The following GULP1 variants were observed in gnomAD, a reference collection of about 807,000 sequenced individuals.
GULP1 encodes the protein PTB domain-containing engulfment adapter protein 1.
In GULP1, 19 loss-of-function variants were observed where a neutral mutation model predicts 40.9. The ratio of observed to expected loss-of-function variants is 0.46; its 90% CI spans 0.32 to 0.68. The LOEUF (loss-of-function observed/expected upper bound fraction) is 0.68. Ranked by LOEUF, GULP1 falls within the 30% of genes least tolerant of loss-of-function variation. The pLI is 0.03. For missense variants in GULP1, 312 were observed against 362.2 expected (o/e 0.86, Z 1.12); for synonymous variants, 119 against 117.6 (o/e 1.01, Z -0.08).
intron 2 of GULP1, among the ~76,000 whole-genome samples, chr2:188,399,707 A>AACC (rs2051889247): frequency 6.7e-6 from 1 of 149,920 alleles, no homozygotes; most frequent in Non-Finnish European, 1.5e-5. Flanking sequence ...AAAAAAAAAA[A>AACC]AAAAAAACAT....
chr2:188,331,578 G>T (rs569165767), intron 1 of GULP1, among the ~76,000 whole-genome samples: 1 of 152,036 alleles, frequency 6.6e-6, no homozygotes, highest in Non-Finnish European at 1.5e-5. Context: ...GCAAACATTT[G>T]ATTTGATTAT....
intron 1 of GULP1, among the ~76,000 whole-genome samples, chr2:188,359,730 C>G (rs1297579887): frequency 6.6e-6 from 1 of 151,858 alleles, no homozygotes; most frequent in Non-Finnish European, 1.5e-5. Context: ...GGTGATAGGC[C>G]CCAAATAACT....
At chr2:188,559,208 T>C (rs368749535) in intron 7 of GULP1, among the ~76,000 whole-genome samples, 1 of 152,094 alleles carries the variant, frequency 6.6e-6, no homozygotes, top group Admixed American at 6.5e-5. Flanking sequence ...CTGTGCTGTG[T>C]GTACCCTAGG....
At chr2:188,382,318 A>G (rs955291426) in intron 1 of GULP1, among the ~76,000 whole-genome samples, 1 of 152,168 alleles carries the variant, frequency 6.6e-6, no homozygotes, top group African/African-American at 2.4e-5. Context: ...ACAGTGAGAT[A>G]TATCTGAGGG....
chr2:188,455,443 A>G (rs1174710116), intron 2 of GULP1, among the ~76,000 whole-genome samples: 1 of 152,114 alleles, frequency 6.6e-6, no homozygotes, highest in Non-Finnish European at 1.5e-5. Context: ...ATAGTGAATG[A>G]AACTGGAGAT....
At chr2:188,477,598 G>A (rs2061116087) in intron 2 of GULP1, 61 bp from the exon 3 acceptor site, 1 of 805,728 alleles carries the variant, frequency 1.2e-6, no homozygotes, top group Non-Finnish European at 2.0e-6. Context: ...AACCACATTA[G>A]CAAAAGAGAG....
chr2:188,545,194 A>T (rs2153349163), intron 7 of GULP1, among the ~76,000 whole-genome samples: 1 of 151,986 alleles, frequency 6.6e-6, no homozygotes, highest in African/African-American at 2.4e-5. Context: ...GAAAATTAAG[A>T]TTGTTTGCCA....
chr2:188,504,747 C>T (rs1282785163), intron 4 of GULP1, among the ~76,000 whole-genome samples: 1 of 151,858 alleles, frequency 6.6e-6, no homozygotes, highest in Non-Finnish European at 1.5e-5. Flanking sequence ...AAAGTTCCAT[C>T]ATATACATGA....
chr2:188,441,900 C>A (rs1188224355), intron 2 of GULP1, among the ~76,000 whole-genome samples: 1 of 151,834 alleles, frequency 6.6e-6, no homozygotes, highest in Non-Finnish European at 1.5e-5. Flanking sequence ...CTTCTGTTTA[C>A]TGTACAAGCA....
intron 10 of GULP1, among the ~76,000 whole-genome samples, chr2:188,584,624 G>A (rs1343425725): frequency 2.0e-5 from 3 of 151,530 alleles, no homozygotes; most frequent in Non-Finnish European, 2.9e-5. Flanking sequence ...TTTACCTATT[G>A]TGTGAACAAT....
At chr2:188,558,128 A>G (rs1464810379) in intron 7 of GULP1, among the ~76,000 whole-genome samples, 1 of 152,140 alleles carries the variant, frequency 6.6e-6, no homozygotes, top group Non-Finnish European at 1.5e-5. Context: ...TCCTCCCCTG[A>G]AAATGGGCTC....
intron 2 of GULP1, among the ~76,000 whole-genome samples, chr2:188,452,235 G>C (rs2058889961): frequency 6.6e-6 from 1 of 152,112 alleles, no homozygotes; most frequent in East Asian, 1.9e-4. Flanking sequence ...TGAAAGGAAA[G>C]AAAGCACCAG....
rs192326507 is a variant in GULP1, at chr2:188,463,619, A to G, written c.-44-14040A>G. Among the ~76,000 whole-genome samples the G allele has an allele frequency of 1.1e-4, 17 of 152,068 alleles. No individual in the cohort carries two copies. The East Asian group carries it at 3.3e-3, about 29-fold the overall frequency. ...CTATCTTTTTCTCTACCTTCTCTTTAAGGCTAATAACTCTTAGATTTGCCC... is the reference window on the plus strand; with the variant it reads ...CTATCTTTTTCTCTACCTTCTCTTTGAGGCTAATAACTCTTAGATTTGCCC... On this transcript the variant is annotated intron_variant, in intron 2 of 11. Coordinates refer to ENST00000409830, the MANE Select transcript of GULP1 (RefSeq NM_016315.4).
At chr2:188,293,440 A>G (rs926028328) in intron 1 of GULP1, among the ~76,000 whole-genome samples, 2 of 152,222 alleles carry the variant, frequency 1.3e-5, no homozygotes, top group Non-Finnish European at 2.9e-5. Context: ...GACTAGCAGG[A>G]GACAATACTG....
At chr2:188,468,103 A>C (rs2060275740) in intron 2 of GULP1, among the ~76,000 whole-genome samples, 1 of 152,140 alleles carries the variant, frequency 6.6e-6, no homozygotes. Flanking sequence ...ATTGTTCACT[A>C]ATTTTTATTG....
intron 4 of GULP1, among the ~76,000 whole-genome samples, chr2:188,501,681 A>G (rs1426643323): frequency 6.6e-6 from 1 of 151,946 alleles, no homozygotes; most frequent in Non-Finnish European, 1.5e-5. Context: ...AAAATTGTCA[A>G]GAAGAGTAAA....
intron 4 of GULP1, among the ~76,000 whole-genome samples, chr2:188,487,783 G>A (rs1318431912): frequency 6.6e-6 from 1 of 151,954 alleles, no homozygotes; most frequent in East Asian, 1.9e-4. Flanking sequence ...AAGTTTTCTA[G>A]AGGTGTCAGA....
At chr2:188,417,500 GA>G (rs1043794271) in intron 2 of GULP1, among the ~76,000 whole-genome samples, 3 of 151,990 alleles carry the variant, frequency 2.0e-5, no homozygotes, top group African/African-American at 7.2e-5. Context: ...ATAAAAACAG[GA>G]AAAAAATATA....
chr2:188,564,150 C>T (rs1484090997), intron 7 of GULP1, among the ~76,000 whole-genome samples: 1 of 151,844 alleles, frequency 6.6e-6, no homozygotes, highest in Non-Finnish European at 1.5e-5. Context: ...CTACAGGTAA[C>T]ATCATAATTA....
Sources: allele counts gnomAD v4.1 joint callset (sites outside exome capture counted in the v4.1 genomes callset), GRCh38; gene constraint gnomAD v4.1.1; transcripts MANE v1.5; gene names NCBI Gene and HGNC (gene_info 2026-07-23, HGNC 2026-07-21).